The following RASA1 variants were observed in gnomAD, a reference collection of about 807,000 sequenced individuals.
The protein encoded by RASA1 is ras GTPase-activating protein 1.
RASA1 carries 25 observed loss-of-function variants against 132.2 expected under a neutral mutation model. That is an observed-to-expected ratio of 0.19 (90% CI 0.14 to 0.26). The LOEUF is 0.26. Ranked by LOEUF, RASA1 falls within the 10% of genes least tolerant of loss-of-function variation. RASA1 has a pLI of 1.00. For missense variants in RASA1, 964 were observed against 1,299.2 expected (o/e 0.74, Z 3.97); for synonymous variants, 477 against 449.9 (o/e 1.06, Z -0.76).
intron 8 of RASA1, among the ~76,000 whole-genome samples, chr5:87,351,297 GAT>G (rs747594087): frequency 1.1e-4 from 16 of 151,632 alleles, no homozygotes; most frequent in Non-Finnish European, 1.6e-4. Flanking sequence ...TAAAGAAAAA[GAT>G]ATAGTTTCTT....
At chr5:87,348,437 A>G (rs1165469105) in intron 7 of RASA1, among the ~76,000 whole-genome samples, 1 of 152,050 alleles carries the variant, frequency 6.6e-6, no homozygotes, top group Non-Finnish European at 1.5e-5. Context: ...CCAATCAAAG[A>G]TATCAGAAAT....
intron 12 of RASA1, among the ~76,000 whole-genome samples, chr5:87,371,911 A>G (rs71637273): frequency 0.01 from 1,536 of 152,076 alleles, 10 homozygotes; most frequent in Middle Eastern, 0.024. Flanking sequence ...CAGAATTACA[A>G]TTGTTTTGGT....
intron 1 of RASA1, among the ~76,000 whole-genome samples, chr5:87,329,575 T>C (rs765012538): frequency 2.0e-5 from 3 of 152,202 alleles, no homozygotes; most frequent in Non-Finnish European, 4.4e-5. Flanking sequence ...ATTTCAATGG[T>C]AAGTTCAAAA....
At chr5:87,282,837 GA>G (rs1451422884) in intron 1 of RASA1, among the ~76,000 whole-genome samples, 1 of 151,936 alleles carries the variant, frequency 6.6e-6, no homozygotes, top group Non-Finnish European at 1.5e-5. Context: ...CCATTAAGTT[GA>G]AAAAAATAAT....
intron 1 of RASA1, among the ~76,000 whole-genome samples, chr5:87,325,447 C>T (rs761803209): frequency 3.9e-5 from 6 of 152,178 alleles, no homozygotes; most frequent in Non-Finnish European, 7.4e-5. Flanking sequence ...AACTTGAAAT[C>T]ACCAATTTAG....
At chr5:87,269,198 C>G (rs1436921849) in intron 1 of RASA1, 4 of 1,594,000 alleles carry the variant, frequency 2.5e-6, no homozygotes, top group African/African-American at 2.7e-5. Flanking sequence ...TATTGCTCCT[C>G]TGGGAAAGTG....
At chr5:87,284,322 A>T (rs965717270) in intron 1 of RASA1, among the ~76,000 whole-genome samples, 3 of 152,204 alleles carry the variant, frequency 2.0e-5, no homozygotes, top group African/African-American at 4.8e-5. Context: ...AAGTGACTAT[A>T]GGTTGCTTTC....
intron 1 of RASA1, among the ~76,000 whole-genome samples, chr5:87,323,047 T>A (rs796958473): frequency 4.6e-5 from 7 of 152,316 alleles, no homozygotes; most frequent in African/African-American, 1.7e-4. Flanking sequence ...AAGTTAGATT[T>A]AGAGAGGGAA....
At chr5:87,340,335 A>G (rs1005767679) in intron 5 of RASA1, among the ~76,000 whole-genome samples, 1 of 152,104 alleles carries the variant, frequency 6.6e-6, no homozygotes, top group Admixed American at 6.6e-5. Flanking sequence ...ACACTGTCTA[A>G]AATTAATAAT....
chr5:87,282,674 C>T (rs895199068), intron 1 of RASA1, among the ~76,000 whole-genome samples: 11 of 152,044 alleles, frequency 7.2e-5, no homozygotes, highest in Admixed American at 2.6e-4. Flanking sequence ...TCCAGTGATA[C>T]GGAGTTAGAT....
At chr5:87,318,315 CAAT>C (rs1345474672) in intron 1 of RASA1, 1 of 152,028 alleles carries the variant, frequency 6.6e-6, no homozygotes, top group Non-Finnish European at 1.5e-5. Flanking sequence ...TAAAAAAGTA[CAAT>C]GAGATAGAGG....
chr5:87,305,999 A>G (rs894959367), intron 1 of RASA1, among the ~76,000 whole-genome samples: 1 of 152,344 alleles, frequency 6.6e-6, no homozygotes. Flanking sequence ...AGAAAAAGGA[A>G]TGCTTATACG....
At chr5:87,289,774 C>G (rs1350579999) in intron 1 of RASA1, among the ~76,000 whole-genome samples, 1 of 152,082 alleles carries the variant, frequency 6.6e-6, no homozygotes. Context: ...CCATGCCCAG[C>G]TAATGCTTTA....
Position 87,353,119 on chromosome 5 carries a change from A to C in RASA1, c.1254-38A>C, listed in dbSNP as rs759663595. The C allele has an allele frequency of 3.9e-6, 6 of 1,524,580 alleles. No individual in the cohort carries two copies. The South Asian group carries it at 5.7e-5, about 14-fold the overall frequency. 94.4% of individuals were successfully genotyped at this position (1,524,580 alleles called of 1,614,324 possible). A position where few individuals can be genotyped will look rare whatever the true frequency, so the allele number is the denominator to read the frequency against. ...ATATTTTTAAAGATTTTGCAGTTTT[A>C]TGAGACAGATTAATACTAGAAATTT... On this transcript the variant is annotated intron_variant, in intron 8 of 24. Coordinates refer to ENST00000274376, the MANE Select transcript of RASA1 (RefSeq NM_002890.3).
intron 4 of RASA1, among the ~76,000 whole-genome samples, chr5:87,335,456 G>A (rs1011575403): frequency 2.0e-5 from 2 of 99,358 alleles, no homozygotes; most frequent in Non-Finnish European, 3.7e-5. Flanking sequence ...TGACAGTTTC[G>A]CTCTTGTCAC....
chr5:87,331,058 T>G, intron 1 of RASA1: 2 of 1,181,190 alleles, frequency 1.7e-6, no homozygotes, highest in Non-Finnish European at 2.3e-6. Flanking sequence ...AGTGTTTATA[T>G]TTTGAATAGC....
At position 87,358,797 on chromosome 5, in the gene RASA1, GTAT is replaced by G. The variant is rs199740946; in HGVS notation, c.1333-3746_1333-3744del. The stretch of plus-strand genomic sequence containing the variant: ...CTCTTTTTCACTCATACTTGCTTCT[GTAT>G]TATTATTTGTAAATAAGCCAGACTC... On this transcript the variant is annotated intron_variant, in intron 9 of 24. Transcript: ENST00000274376. 8.0e-3 allele frequency among the ~76,000 whole-genome samples: 1,219 copies of G among 152,196 alleles called. 42 individuals carry two copies. The highest frequency in any genetic ancestry group is 0.06 in the Admixed American group (915 of 15,282).
chr5:87,281,510 C>G (rs1754316826), intron 1 of RASA1, among the ~76,000 whole-genome samples: 1 of 152,050 alleles, frequency 6.6e-6, no homozygotes, highest in African/African-American at 2.4e-5. Context: ...TGTTGAGCAT[C>G]TTTTCATGTG....
intron 5 of RASA1, 49 bp from the exon 6 acceptor site, chr5:87,341,241 T>C: frequency 9.2e-7 from 1 of 1,083,942 alleles, no homozygotes. Context: ...TAATAAAAAT[T>C]GATTAATAGT....
Sources: allele counts gnomAD v4.1 joint callset (sites outside exome capture counted in the v4.1 genomes callset), GRCh38; gene constraint gnomAD v4.1.1; transcripts MANE v1.5; gene names NCBI Gene and HGNC (gene_info 2026-07-23, HGNC 2026-07-21).